Variants in PABPN1L observed in about 807,000 individuals in gnomAD.
PABPN1L encodes the protein PABPN1 like, cytoplasmic, also known as embryonic polyadenylate-binding protein 2.
PABPN1L carries 45 observed loss-of-function variants against 34.0 expected under a neutral mutation model. The ratio of observed to expected loss-of-function variants is 1.32; its 90% CI spans 1.04 to 1.70. The LOEUF is 1.70. Among genes scored for constraint, PABPN1L ranks in the 40% most tolerant of loss-of-function variants. The probability of loss-of-function intolerance (pLI) is 0.00; values close to 1 mark genes in which losing one functional copy is unlikely to be tolerated. For synonymous variants in PABPN1L, 182 were observed against 152.1 expected (o/e 1.20, Z -1.45); for missense variants, 459 against 367.8 (o/e 1.25, Z -2.03).
At chr16:88,863,859 C>T (rs1157431305) in intron 6 of PABPN1L, 64 bp from the exon 7 acceptor site, 2 of 1,465,940 alleles carry the variant, frequency 1.4e-6, no homozygotes, top group Non-Finnish European at 1.8e-6. Context: ...GGCCCAGGGC[C>T]CCGGGGGACA....
At chr16:88,864,311 T>C in exon 6 of PABPN1L, 3 of 1,555,804 alleles carry the variant, frequency 1.9e-6, no homozygotes, top group Non-Finnish European at 2.6e-6. Flanking sequence ...CCCTGGAGCC[T>C]GGGTGTCCTC....
At chr16:88,865,723 C>A in intron 2 of PABPN1L, 83 bp downstream of exon 2, 5 of 1,553,476 alleles carry the variant, frequency 3.2e-6, no homozygotes, top group Non-Finnish European at 4.4e-6. Flanking sequence ...GGAGGTGACA[C>A]CTTGGAGCCT....
chr16:88,865,237 T>C (rs990097867), intron 3 of PABPN1L, 109 bp from the exon 4 acceptor site: 5 of 1,195,678 alleles, frequency 4.2e-6, no homozygotes, highest in Non-Finnish European at 5.9e-6. Context: ...GTGGCGGGGA[T>C]GGCCCCAGGC....
chr16:88,868,075 G>A (rs754641100), upstream of PABPN1L, among the ~76,000 whole-genome samples: 1 of 152,176 alleles, frequency 6.6e-6, no homozygotes, highest in African/African-American at 2.4e-5. Context: ...CACGCAGGGC[G>A]GCCCTTCCTC....
upstream of PABPN1L, among the ~76,000 whole-genome samples, chr16:88,869,426 C>G (rs1025825162): frequency 6.6e-6 from 1 of 152,250 alleles, no homozygotes; most frequent in Non-Finnish European, 1.5e-5. Context: ...CCGGGCTGCT[C>G]CTCCTCCCTC....
At chr16:88,866,762 A>G (rs1410315063), upstream of PABPN1L, 20 of 1,100,238 alleles carry the variant, frequency 1.8e-5, no homozygotes, top group African/African-American at 3.2e-5. Context: ...CTGAGCTTCC[A>G]GCCTTGGCTC....
At chr16:88,863,565 C>T in exon 7 of PABPN1L, 2 of 747,134 alleles carry the variant, frequency 2.7e-6, no homozygotes, top group South Asian at 3.0e-5. Context: ...TGGCTGTGGC[C>T]TTGGGTCTGG....
Position 88,865,646 on chromosome 16 carries a change from C to G in PABPN1L, c.392-16G>C. The G allele has an allele frequency of 6.3e-7, 1 of 1,596,672 alleles. No homozygotes were observed. On this transcript the variant is annotated splice_polypyrimidine_tract_variant and intron_variant, in intron 2 of 6. Coordinates refer to ENST00000419291, the Ensembl canonical transcript of PABPN1L. ...AGGGGGCAGCCTGCGGAGAACACAG[C>G]TCAGGCCCGCAGGCCCTTGGTTCCT...
At chr16:88,865,174 G>C in intron 3 of PABPN1L, 46 bp from the exon 4 acceptor site, 1 of 1,534,292 alleles carries the variant, frequency 6.5e-7, no homozygotes, top group Non-Finnish European at 8.8e-7. Context: ...GCCTGGCCCT[G>C]ACTCGGGGCC....
At chr16:88,869,384 C>A (rs1296487177), upstream of PABPN1L, among the ~76,000 whole-genome samples, 1 of 152,230 alleles carries the variant, frequency 6.6e-6, no homozygotes, top group African/African-American at 2.4e-5. Context: ...GTTCCCCCTG[C>A]GAACACGGTG....
At chr16:88,863,585 C>T (rs1037965968) in exon 7 of PABPN1L, 1 of 847,338 alleles carries the variant, frequency 1.2e-6, no homozygotes, top group Non-Finnish European at 1.9e-6. Context: ...GACCACCATA[C>T]AAGGCCCTAC....
chr16:88,865,702 A>T, intron 2 of PABPN1L, 72 bp from the exon 3 acceptor site: 1 of 1,552,852 alleles, frequency 6.4e-7, no homozygotes, highest in Non-Finnish European at 8.7e-7. Flanking sequence ...AAGGTCGCCC[A>T]GGCTTATAGG....
intron 6 of PABPN1L, 101 bp from the exon 7 acceptor site, chr16:88,863,896 C>T (rs955037874): frequency 1.6e-6 from 2 of 1,243,816 alleles, no homozygotes; most frequent in African/African-American, 3.0e-5. Context: ...GGGAGGTCAC[C>T]TGGCTGCTCA....
At chr16:88,864,930 T>G in exon 5 of PABPN1L, 1 of 1,406,884 alleles carries the variant, frequency 7.1e-7, no homozygotes, top group Admixed American at 1.8e-5. Flanking sequence ...GCAAACTCTA[T>G]GTAGGCATAA....
upstream of PABPN1L, among the ~76,000 whole-genome samples, chr16:88,868,781 A>C (rs1968647761): frequency 6.6e-6 from 1 of 152,232 alleles, no homozygotes; most frequent in African/African-American, 2.4e-5. Flanking sequence ...GAAATGTGGA[A>C]GGTGGGGGTA....
At chr16:88,865,087 G>A (rs1277066692) in exon 4 of PABPN1L, 3 of 1,592,580 alleles carry the variant, frequency 1.9e-6, no homozygotes. Context: ...CACAGCGGCT[G>A]AAGTGGGCCT....
chr16:88,867,247 G>A (rs1449285702), upstream of PABPN1L, among the ~76,000 whole-genome samples: 1 of 146,036 alleles, frequency 6.8e-6, no homozygotes, highest in Non-Finnish European at 1.5e-5. Flanking sequence ...TTTTTTTTTA[G>A]GCAGGAGTCT....
Position 88,865,549 on chromosome 16 carries a change from C to T in PABPN1L, c.459+14G>A, listed in dbSNP as rs369457886. On this transcript the variant is annotated intron_variant, in intron 3 of 6. Coordinates refer to ENST00000419291, the Ensembl canonical transcript of PABPN1L. ...CCATTCGCTGCCTGCCCCTTCACCC[C>T]GCCCACCACTCACGTTGCCCACGTA... 1.6e-4 allele frequency: 256 copies of T among 1,609,432 alleles called. No homozygotes were observed. The highest frequency in any genetic ancestry group is 9.4e-4 in the East Asian group (42 of 44,698).
At chr16:88,866,457 C>T in exon 1 of PABPN1L, 1 of 1,551,586 alleles carries the variant, frequency 6.4e-7, no homozygotes, top group Non-Finnish European at 8.7e-7. Flanking sequence ...CCTCCTCTTT[C>T]TCCTCCTTCC....
Sources: gnomAD v4.1 joint callset for allele counts (sites outside exome capture counted in the v4.1 genomes callset) on GRCh38, gnomAD v4.1.1 for gene constraint, MANE v1.5 for transcripts, NCBI Gene and HGNC (gene_info 2026-07-23, HGNC 2026-07-21) for gene names.